CDH18: variants seen among roughly 807,000 people sequenced by gnomAD.
CDH18 encodes the protein cadherin-18.
A neutral mutation model predicts 67.9 loss-of-function variants in CDH18; 31 were observed. The observed-to-expected ratio is 0.46, with a 90% CI of 0.34 to 0.62. CDH18 has a LOEUF of 0.62. Ranked by LOEUF, CDH18 falls within the 20% of genes least tolerant of loss-of-function variation. The probability of loss-of-function intolerance (pLI) is 0.01; values close to 1 mark genes in which losing one functional copy is unlikely to be tolerated. For missense variants in CDH18, 890 were observed against 975.5 expected (o/e 0.91, Z 1.17); for synonymous variants, 362 against 347.2 (o/e 1.04, Z -0.48).
At chr5:20,013,891 T>A (rs1737667061) in intron 2 of CDH18, among the ~76,000 whole-genome samples, 1 of 152,110 alleles carries the variant, frequency 6.6e-6, no homozygotes, top group Non-Finnish European at 1.5e-5. Flanking sequence ...TGATACACTT[T>A]CCCCAAATGC....
intron 2 of CDH18, among the ~76,000 whole-genome samples, chr5:20,126,022 A>G (rs1415036871): frequency 6.6e-6 from 1 of 152,232 alleles, no homozygotes; most frequent in African/African-American, 2.4e-5. Context: ...CTTGAGAAAG[A>G]TGAACAAAAC....
At chr5:20,270,525 A>C (rs1745360625) in intron 1 of CDH18, among the ~76,000 whole-genome samples, 1 of 152,164 alleles carries the variant, frequency 6.6e-6, no homozygotes, top group South Asian at 2.1e-4. Context: ...ATGCTTATCC[A>C]CTGTTGGTGG....
chr5:20,240,726 G>A (rs1742833211), intron 2 of CDH18, among the ~76,000 whole-genome samples: 1 of 152,124 alleles, frequency 6.6e-6, no homozygotes, highest in South Asian at 2.1e-4. Flanking sequence ...TACATAGCTA[G>A]ACGCTCTACC....
chr5:20,369,484 A>G (rs929908730), intron 1 of CDH18, among the ~76,000 whole-genome samples: 5 of 152,336 alleles, frequency 3.3e-5, no homozygotes, highest in Admixed American at 6.5e-5. Flanking sequence ...TCGCTTTCAA[A>G]GTCAAGCACC....
chr5:20,542,567 CAT>C (rs902539622), intron 1 of CDH18, among the ~76,000 whole-genome samples: 1 of 151,512 alleles, frequency 6.6e-6, no homozygotes, highest in African/African-American at 2.4e-5. Context: ...TATATACACA[CAT>C]GCTAAAAAGA....
At chr5:19,944,880 G>A (rs1795146569) in intron 2 of CDH18, among the ~76,000 whole-genome samples, 1 of 152,102 alleles carries the variant, frequency 6.6e-6, no homozygotes, top group African/African-American at 2.4e-5. Context: ...GGATTGCAGT[G>A]GCTTGTCTGG....
intron 2 of CDH18, among the ~76,000 whole-genome samples, chr5:20,163,118 C>T (rs1351113823): frequency 6.6e-6 from 1 of 151,866 alleles, no homozygotes; most frequent in Non-Finnish European, 1.5e-5. Flanking sequence ...TATTTAGAAT[C>T]AATCATTATA....
intron 5 of CDH18, among the ~76,000 whole-genome samples, chr5:19,680,094 A>G (rs961458152): frequency 6.6e-6 from 1 of 152,082 alleles, no homozygotes; most frequent in African/African-American, 2.4e-5. Flanking sequence ...AAACAGATAC[A>G]TAGACCAATG....
At position 20,265,584 on chromosome 5, in the gene CDH18, T is replaced by TA. The variant is rs574439308; in HGVS notation, c.-579-10080dup. On this transcript the variant is annotated intron_variant, in intron 1 of 14. Transcript: ENST00000507958. ...GACCAAGACTGAAGGAGTATCAAAA[T>TA]AAAAAAAAAATTACATTTATTTTCA... is the stretch of plus-strand genomic sequence containing the variant. Among the ~76,000 whole-genome samples the TA allele has an allele frequency of 3.9e-4, 58 of 149,382 alleles. 1 individual carries two copies. The highest frequency in any genetic ancestry group is 3.4e-3 in the Middle Eastern group (1 of 294).
At chr5:20,409,368 T>C (rs918554712) in intron 1 of CDH18, among the ~76,000 whole-genome samples, 3 of 151,470 alleles carry the variant, frequency 2.0e-5, no homozygotes, top group Admixed American at 2.0e-4. Context: ...CAGAAGAAAA[T>C]AGAAAAGTTC....
At chr5:20,088,185 G>A (rs1445446207) in intron 2 of CDH18, among the ~76,000 whole-genome samples, 2 of 152,140 alleles carry the variant, frequency 1.3e-5, no homozygotes, top group Non-Finnish European at 2.9e-5. Flanking sequence ...GCAAAATACT[G>A]TGTGTTGAAC....
At chr5:20,025,309 T>C (rs1239679822) in intron 2 of CDH18, among the ~76,000 whole-genome samples, 1 of 152,144 alleles carries the variant, frequency 6.6e-6, no homozygotes, top group East Asian at 1.9e-4. Flanking sequence ...GTCTTAACTT[T>C]TGGAAAGTAG....
At chr5:20,454,062 A>T (rs1390466131) in intron 1 of CDH18, among the ~76,000 whole-genome samples, 1 of 152,156 alleles carries the variant, frequency 6.6e-6, no homozygotes, top group Non-Finnish European at 1.5e-5. Context: ...CTTTTTAGGC[A>T]GTTGTCTGAG....
intron 2 of CDH18, among the ~76,000 whole-genome samples, chr5:20,070,008 T>C (rs973210922): frequency 1.3e-5 from 2 of 152,198 alleles, no homozygotes; most frequent in Admixed American, 6.5e-5. Context: ...GCCATTGTAG[T>C]ATCATGCAAA....
chr5:20,290,524 C>A (rs775460415), intron 1 of CDH18, among the ~76,000 whole-genome samples: 3 of 152,078 alleles, frequency 2.0e-5, no homozygotes, highest in Non-Finnish European at 4.4e-5. Flanking sequence ...TTGCATACCT[C>A]AAAGAATGAA....
intron 2 of CDH18, among the ~76,000 whole-genome samples, chr5:20,072,400 TG>T (rs1743558854): frequency 6.6e-6 from 1 of 152,050 alleles, no homozygotes; most frequent in South Asian, 2.1e-4. Flanking sequence ...GGGAGGTAAC[TG>T]CATGAAACTT....
intron 3 of CDH18, among the ~76,000 whole-genome samples, chr5:19,778,348 A>C (rs1378501293): frequency 6.6e-6 from 1 of 152,194 alleles, no homozygotes; most frequent in Non-Finnish European, 1.5e-5. Flanking sequence ...AGTTTTAGCC[A>C]AGAAATTAAA....
At chr5:20,225,477 T>C (rs1336179554) in intron 2 of CDH18, among the ~76,000 whole-genome samples, 1 of 152,106 alleles carries the variant, frequency 6.6e-6, no homozygotes, top group Non-Finnish European at 1.5e-5. Context: ...CCTAATAATA[T>C]CAACCACTCA....
At chr5:20,252,221 C>T (rs893504212) in intron 2 of CDH18, among the ~76,000 whole-genome samples, 6 of 151,982 alleles carry the variant, frequency 3.9e-5, no homozygotes, top group South Asian at 2.1e-4. Context: ...CATGGTGGCG[C>T]GCGCCTTTAG....
Sources: gnomAD v4.1 joint callset for allele counts (sites outside exome capture counted in the v4.1 genomes callset) on GRCh38, gnomAD v4.1.1 for gene constraint, MANE v1.5 for transcripts, NCBI Gene and HGNC (gene_info 2026-07-23, HGNC 2026-07-21) for gene names.